Variants in TRPM3 observed in about 807,000 individuals in gnomAD.
TRPM3 encodes transient receptor potential cation channel subfamily M member 3, also known as long transient receptor potential channel 3.
A neutral mutation model predicts 181.2 loss-of-function variants in TRPM3; 77 were observed. That is an observed-to-expected ratio of 0.42 (90% CI 0.35 to 0.51). The LOEUF is 0.51. Among genes scored for constraint, TRPM3 ranks in the 20% least tolerant of loss-of-function variants. TRPM3 has a pLI of 0.01. For synonymous variants in TRPM3, 745 were observed against 796.4 expected, an observed-to-expected ratio of 0.94 and a Z score of 1.09; for missense variants, 1,759 against 2,196.7, an observed-to-expected ratio of 0.80 and a Z score of 3.98.
At chr9:71,269,573 C>T (rs139294516) in intron 1 of TRPM3, among the ~76,000 whole-genome samples, 51 of 152,198 alleles carry the variant, frequency 3.4e-4, no homozygotes, top group African/African-American at 1.2e-3. Context: ...GGAGAGTGGG[C>T]TCTTCTTTTA....
chr9:70,622,361 G>T (rs1450622097), intron 14 of TRPM3, among the ~76,000 whole-genome samples: 1 of 152,250 alleles, frequency 6.6e-6, no homozygotes, highest in Admixed American at 6.5e-5. Flanking sequence ...CAAGCAGAAT[G>T]AATCATGTAT....
intron 1 of TRPM3, among the ~76,000 whole-genome samples, chr9:70,938,626 C>T (rs934940742): frequency 1.3e-5 from 2 of 152,094 alleles, no homozygotes; most frequent in South Asian, 4.2e-4. Flanking sequence ...TCTCCCTTAC[C>T]AAGGTGTCTC....
chr9:70,638,138 CCT>C (rs1186386278), intron 11 of TRPM3, among the ~76,000 whole-genome samples: 2 of 152,084 alleles, frequency 1.3e-5, no homozygotes, highest in African/African-American at 4.8e-5. Flanking sequence ...GGCCTTTTGC[CCT>C]CTGTCTCTTC....
chr9:71,110,172 C>T (rs1298194592), intron 1 of TRPM3, among the ~76,000 whole-genome samples: 2 of 152,062 alleles, frequency 1.3e-5, no homozygotes, highest in African/African-American at 4.8e-5. Context: ...CAAATAGGAA[C>T]ATCCAAATGG....
intron 1 of TRPM3, among the ~76,000 whole-genome samples, chr9:71,065,347 T>G (rs2061792752): frequency 6.6e-6 from 1 of 152,176 alleles, no homozygotes; most frequent in Admixed American, 6.6e-5. Context: ...CTGTTCTTTC[T>G]TAATACTGAA....
intron 1 of TRPM3, among the ~76,000 whole-genome samples, chr9:71,331,356 A>G (rs930867475): frequency 1.3e-5 from 2 of 151,862 alleles, no homozygotes; most frequent in African/African-American, 4.8e-5. Flanking sequence ...TTGCCTCGTA[A>G]TAAATATCCT....
intron 1 of TRPM3, among the ~76,000 whole-genome samples, chr9:71,246,434 G>C (rs957251266): frequency 2.6e-5 from 4 of 151,688 alleles, no homozygotes; most frequent in African/African-American, 9.7e-5. Context: ...ATTATTTAAG[G>C]TGTGTCCCCT....
At chr9:71,042,883 C>T (rs1240603235) in intron 1 of TRPM3, among the ~76,000 whole-genome samples, 1 of 152,164 alleles carries the variant, frequency 6.6e-6, no homozygotes, top group Non-Finnish European at 1.5e-5. Context: ...CAGAAAGCAC[C>T]ATGGTGTGTT....
chr9:71,231,329 C>T (rs911865029), intron 1 of TRPM3, among the ~76,000 whole-genome samples: 4 of 152,074 alleles, frequency 2.6e-5, no homozygotes, highest in Middle Eastern at 3.4e-3. Flanking sequence ...ACAATGGAAG[C>T]AAAGGGTAAA....
chr9:70,921,157 T>C (rs577101591), intron 1 of TRPM3, among the ~76,000 whole-genome samples: 1 of 152,344 alleles, frequency 6.6e-6, no homozygotes, highest in African/African-American at 2.4e-5. Flanking sequence ...AACAAATGAC[T>C]GTTCTTCTCT....
Position 70,625,201 on chromosome 9 carries a change from CCGAAGAGGT to C in TRPM3, c.1790_1798del (p.Asn597_Gly600delinsSer). ...TGCAGCCAGCCTCACCCTCTTGGGG[CCGAAGAGGT>C]TGTGGTAGAGGGTCCGGAAGCGCTT... On this transcript the variant is annotated inframe_deletion, in exon 14 of 26. Transcript: ENST00000677713. This position sits in a 1 kb window ranked among gnomAD's most constrained non-coding sequence, Gnocchi z 4.8. The C allele has an allele frequency of 6.2e-7, 1 of 1,613,976 alleles. No individual in the cohort carries two copies. The highest frequency in any genetic ancestry group is 8.5e-7 in the Non-Finnish European group (1 of 1,179,974).
At chr9:70,686,123 C>T (rs546027230) in intron 8 of TRPM3, among the ~76,000 whole-genome samples, 51 of 151,090 alleles carry the variant, frequency 3.4e-4, no homozygotes, top group African/African-American at 9.5e-4. Flanking sequence ...TATATATACA[C>T]ACACATATGT....
At chr9:71,200,273 G>A (rs554112858) in intron 1 of TRPM3, among the ~76,000 whole-genome samples, 4 of 151,912 alleles carry the variant, frequency 2.6e-5, no homozygotes, top group East Asian at 3.9e-4. Context: ...TACACTTGCT[G>A]AGGAGAGCTT....
At chr9:71,214,869 G>A (rs2079744467) in intron 1 of TRPM3, among the ~76,000 whole-genome samples, 1 of 151,954 alleles carries the variant, frequency 6.6e-6, no homozygotes. Context: ...AAGGTCAAAT[G>A]AAATAGTCTC....
At chr9:71,391,264 T>C (rs1012091643) in intron 1 of TRPM3, among the ~76,000 whole-genome samples, 4 of 151,968 alleles carry the variant, frequency 2.6e-5, no homozygotes, top group Admixed American at 1.3e-4. Flanking sequence ...ATTATTTCTA[T>C]TTTACACAAC....
intron 1 of TRPM3, among the ~76,000 whole-genome samples, chr9:71,113,668 T>C (rs923276996): frequency 3.3e-5 from 5 of 152,294 alleles, no homozygotes; most frequent in South Asian, 2.1e-4. Context: ...AAAATAATTA[T>C]AAAAGTCATT....
chr9:71,279,875 C>T (rs1052195549), intron 1 of TRPM3, among the ~76,000 whole-genome samples: 4 of 152,020 alleles, frequency 2.6e-5, no homozygotes, highest in African/African-American at 7.2e-5. Flanking sequence ...GTCAGGAGTT[C>T]GAGACCAGCC....
In TRPM3 at chr9:70,681,561, C is replaced by T. The variant is rs1219109519; in HGVS notation, c.1290G>A (p.Met430Ile). 1.2e-6 allele frequency: 2 copies of T among 1,613,766 alleles called. No individual in the cohort carries two copies. The highest frequency in any genetic ancestry group is 3.3e-5 in the Admixed American group (2 of 60,016). The change falls in exon 9 of 26, where the codon ATG (methionine) becomes ATA (isoleucine). Residue 430 changes from methionine (M) to isoleucine (I), a missense_variant. Physicochemically the swap from Met to Ile is conservative, Grantham distance 10. Coordinates refer to ENST00000677713, the MANE Select transcript of TRPM3 (RefSeq NM_001366145.2). ...CAATGTCCTGGTGTCCTTCTGATCC[C>T]ATCCGAAATACCGTAATCTGCAATT... Reference protein sequence around the residue: ...KKKELITVFRMGSEGHQDIDL... With the variant: ...KKKELITVFRIGSEGHQDIDL...
intron 1 of TRPM3, among the ~76,000 whole-genome samples, chr9:71,247,859 G>T (rs1460184568): frequency 1.3e-5 from 2 of 152,148 alleles, no homozygotes; most frequent in African/African-American, 4.8e-5. Flanking sequence ...AGGAGGTCCA[G>T]AGACTTAAAT....
Sources: allele counts gnomAD v4.1 joint callset (sites outside exome capture counted in the v4.1 genomes callset), GRCh38; gene constraint gnomAD v4.1.1; non-coding constraint Gnocchi (gnomAD v3.1); transcripts MANE v1.5; gene names NCBI Gene and HGNC (gene_info 2026-07-23, HGNC 2026-07-21).